Variants in RS1 observed in about 807,000 individuals in gnomAD.
RS1 encodes retinoschisin 1.
RS1 carries 2 observed loss-of-function variants against 20.8 expected under a neutral mutation model. That is an observed-to-expected ratio of 0.10 (90% CI 0.04 to 0.30). The LOEUF is 0.30. RS1 is among the 10% of genes least tolerant of loss of function. The pLI, the probability that RS1 is intolerant of heterozygous loss-of-function variation, is 1.00. For synonymous variants in RS1, 70 were observed against 75.8 expected (o/e 0.92, Z 0.40); for missense variants, 151 against 189.8 (o/e 0.80, Z 1.20).
intron 1 of RS1, among the ~76,000 whole-genome samples, chrX:18,662,548 G>C (rs898467570): frequency 9.0e-4 from 100 of 110,939 alleles, no homozygotes; most frequent in Non-Finnish European, 1.0e-3. Context: ...GAGAACATGC[G>C]GTGTTTGGTT....
chrX:18,648,685 T>C (rs1052352243), intron 3 of RS1, among the ~76,000 whole-genome samples: 1 of 112,245 alleles, frequency 8.9e-6, no homozygotes, highest in Non-Finnish European at 1.9e-5. Context: ...AAAGACTGCC[T>C]GCTGGGATTT....
intron 3 of RS1, among the ~76,000 whole-genome samples, chrX:18,647,893 G>GA (rs5901648): frequency 1.4e-3 from 146 of 106,839 alleles, no homozygotes; most frequent in African/African-American, 4.0e-3. Flanking sequence ...CCAGTCTAAT[G>GA]AAAAAAAAAA....
chrX:18,659,800 C>G (rs1353294826), intron 1 of RS1, among the ~76,000 whole-genome samples: 1 of 111,573 alleles, frequency 9.0e-6, no homozygotes, highest in African/African-American at 3.3e-5. Flanking sequence ...GACCCTTTCT[C>G]TCCTGAAATG....
chrX:18,671,649 G>A (rs747852903), intron 1 of RS1, among the ~76,000 whole-genome samples: 1 of 111,812 alleles, frequency 8.9e-6, no homozygotes, highest in East Asian at 2.8e-4. Flanking sequence ...GTCCTCCACC[G>A]TCAATAGCAT....
At chrX:18,669,910 C>T (rs530106013) in intron 1 of RS1, among the ~76,000 whole-genome samples, 2 of 111,807 alleles carry the variant, frequency 1.8e-5, no homozygotes, top group South Asian at 3.8e-4. Flanking sequence ...TTTAAGCTCC[C>T]CAAACCTTCC....
At chrX:18,645,974 T>TCTG (rs1432062196) in intron 4 of RS1, 1 of 1,210,790 alleles carries the variant, frequency 8.3e-7, no homozygotes, top group Admixed American at 2.2e-5. Flanking sequence ...TCATGCGCAC[T>TCTG]CTGCTGCTCT....
chrX:18,664,057 G>A (rs1928363210), intron 1 of RS1, among the ~76,000 whole-genome samples: 1 of 111,655 alleles, frequency 9.0e-6, no homozygotes, highest in African/African-American at 3.3e-5. Flanking sequence ...CCACTCCTAA[G>A]TAGCTACCCA....
At position 18,659,372 on chromosome X, in the gene RS1, G is replaced by C. The variant is rs1203231042; in HGVS notation, c.53-1707C>G. The stretch of plus-strand genomic sequence containing the variant: ...ACCTGTAATCCCAGCCACCTGGGAG[G>C]CTGAGGCAGGAGAATCACTTGAAAC... On this transcript the variant is annotated intron_variant, in intron 1 of 5. Coordinates refer to ENST00000379984, the MANE Select transcript of RS1 (RefSeq NM_000330.4). Among the ~76,000 whole-genome samples the C allele has an allele frequency of 3.6e-5, 4 of 111,007 alleles. No homozygotes were observed. The East Asian group carries it at 1.1e-3, about 31-fold the overall frequency.
intron 1 of RS1, among the ~76,000 whole-genome samples, chrX:18,658,753 G>T (rs1278513378): frequency 9.3e-6 from 1 of 107,707 alleles, no homozygotes; most frequent in Non-Finnish European, 1.9e-5. Flanking sequence ...CACCATGCCC[G>T]GCCCAAGGTT....
At chrX:18,654,548 A>G (rs1177971103) in intron 3 of RS1, among the ~76,000 whole-genome samples, 1 of 112,368 alleles carries the variant, frequency 8.9e-6, no homozygotes, top group Non-Finnish European at 1.9e-5. Context: ...CAATGCCTTC[A>G]TTTCTGTCTC....
At chrX:18,642,276 G>T in intron 5 of RS1, 120 bp from the exon 6 acceptor site, 1 of 764,709 alleles carries the variant, frequency 1.3e-6, no homozygotes, top group Non-Finnish European at 2.0e-6. Context: ...AGTTAAAGCA[G>T]TTTGCGGGTG....
At chrX:18,651,264 T>TGTGTGTGTGTGTGTGAGAGAGA (rs1491242962) in intron 3 of RS1, among the ~76,000 whole-genome samples, 3 of 69,012 alleles carry the variant, frequency 4.3e-5, no homozygotes, top group Admixed American at 1.7e-4. Flanking sequence ...TGTGTGTGTG[T>TGTGTGTGTGTGTGTGAGAGAGA]GAGAGAGAGA....
intron 3 of RS1, among the ~76,000 whole-genome samples, chrX:18,653,812 C>CA (rs1928153731): frequency 1.8e-5 from 2 of 109,532 alleles, no homozygotes; most frequent in African/African-American, 6.6e-5. Context: ...TACTAAAATA[C>CA]AAAAAATTAG....
At chrX:18,661,575 C>T (rs947838286) in intron 1 of RS1, among the ~76,000 whole-genome samples, 2 of 111,313 alleles carry the variant, frequency 1.8e-5, no homozygotes, top group Non-Finnish European at 3.8e-5. Flanking sequence ...TCAGATCACA[C>T]GTGGGCTTGC....
At chrX:18,646,659 G>C (rs898888385) in intron 4 of RS1, among the ~76,000 whole-genome samples, 1 of 111,290 alleles carries the variant, frequency 9.0e-6, no homozygotes, top group Non-Finnish European at 1.9e-5. Flanking sequence ...TCTCCACCTT[G>C]TCTCACTTGT....
intron 3 of RS1, chrX:18,653,355 C>G: frequency 8.5e-7 from 1 of 1,178,243 alleles, no homozygotes; most frequent in Non-Finnish European, 1.1e-6. Context: ...CGTGGGGGGC[C>G]CGGGCATTAG....
At chrX:18,649,786 C>T (rs747645189) in intron 3 of RS1, among the ~76,000 whole-genome samples, 49 of 112,159 alleles carry the variant, frequency 4.4e-4, no homozygotes, top group Non-Finnish European at 7.5e-4. Context: ...TGAGTGCCTG[C>T]GGACTCGAGG....
intron 2 of RS1, among the ~76,000 whole-genome samples, chrX:18,657,308 C>T (rs1424095288): frequency 2.0e-5 from 2 of 97,775 alleles, no homozygotes; most frequent in Admixed American, 2.4e-4. Flanking sequence ...GCAGCCTCTG[C>T]CTCCTGGGTT....
intron 3 of RS1, chrX:18,653,357 G>T: frequency 8.5e-7 from 1 of 1,180,433 alleles, no homozygotes; most frequent in Non-Finnish European, 1.1e-6. Context: ...TGGGGGGCCC[G>T]GGCATTAGCC....
Sources: allele counts gnomAD v4.1 joint callset (sites outside exome capture counted in the v4.1 genomes callset), GRCh38; gene constraint gnomAD v4.1.1; transcripts MANE v1.5; gene names NCBI Gene and HGNC (gene_info 2026-07-23, HGNC 2026-07-21).